The following LAIR2 variants were observed in gnomAD, a reference collection of about 807,000 sequenced individuals.
LAIR2 encodes leukocyte-associated immunoglobulin-like receptor 2.
In LAIR2, 14 loss-of-function variants were observed where a neutral mutation model predicts 14.8. The observed-to-expected ratio is 0.95, with a 90% CI of 0.62 to 1.48. The LOEUF is 1.48. Ranked by LOEUF, LAIR2 falls within the 40% of genes most tolerant of loss-of-function variation. The pLI, the probability that LAIR2 is intolerant of heterozygous loss-of-function variation, is 0.00. For missense variants in LAIR2, 172 were observed against 180.9 expected (o/e 0.95, Z 0.28); for synonymous variants, 75 against 74.5 (o/e 1.01, Z -0.03).
At chr19:54,509,977 C>T (rs942162567) in intron 4 of LAIR2, among the ~76,000 whole-genome samples, 2 of 147,168 alleles carry the variant, frequency 1.4e-5, no homozygotes, top group South Asian at 2.2e-4. Flanking sequence ...CTGTGAGGCT[C>T]GGGCTGTGAG....
intron 2 of LAIR2, 120 bp from the exon 3 acceptor site, chr19:54,507,771 G>A (rs956500227): frequency 4.3e-6 from 4 of 937,318 alleles, no homozygotes; most frequent in African/African-American, 1.6e-5. Context: ...TTGGGCTGTG[G>A]TCGTGGCTGC....
rs1218517048 is a variant in LAIR2, at chr19:54,504,405, C to T, written c.70+670C>T. Among the ~76,000 whole-genome samples, 8 of 152,238 alleles carry T rather than the reference C, an allele frequency of 5.3e-5. No individual in the cohort carries two copies. The East Asian group carries it at 9.6e-4, about 18-fold the overall frequency. On this transcript the variant is annotated intron_variant, in intron 2 of 4. Transcript: ENST00000301202. Reference sequence around the variant, plus strand: ...CATCACATACTTATTGTGATGAGAACATTTAAAACCTACTTTTAGCAATTT... The same window carrying T: ...CATCACATACTTATTGTGATGAGAATATTTAAAACCTACTTTTAGCAATTT...
chr19:54,503,952 A>G (rs1238983964), intron 2 of LAIR2, among the ~76,000 whole-genome samples: 1 of 151,604 alleles, frequency 6.6e-6, no homozygotes, highest in East Asian at 1.9e-4. Flanking sequence ...CAAAAATCCT[A>G]TATTTTATTT....
At chr19:54,509,763 G>A (rs2085436007) in intron 4 of LAIR2, among the ~76,000 whole-genome samples, 3 of 151,706 alleles carry the variant, frequency 2.0e-5, no homozygotes, top group South Asian at 4.2e-4. Flanking sequence ...TGGGAGAGAA[G>A]CTGCCTCTGG....
chr19:54,503,685 G>C lies in LAIR2; in HGVS notation c.35-15G>C. On this transcript the variant is annotated splice_polypyrimidine_tract_variant and intron_variant, in intron 1 of 4. Transcript: ENST00000301202. ...TGGGCAGTGGGCATTTTTCTCACTGGGGCTTCTCTTCCAGTGCTCTGCCTG... is the reference window on the plus strand; with the variant it reads ...TGGGCAGTGGGCATTTTTCTCACTGCGGCTTCTCTTCCAGTGCTCTGCCTG... 6.2e-7 allele frequency: 1 copy of C among 1,613,886 alleles called. No individual in the cohort carries two copies. Among genetic ancestry groups the C allele is most frequent in the African/African-American group, 1.3e-5 (1 of 74,994 alleles).
chr19:54,504,123 A>ATTTT lies in LAIR2; in HGVS notation c.70+399_70+402dup, dbSNP rs56696276. Among the ~76,000 whole-genome samples, 424 of 143,376 alleles carry ATTTT rather than the reference A, an allele frequency of 3.0e-3. 2 individuals are homozygous for ATTTT. The highest frequency in any genetic ancestry group is 4.8e-3 in the African/African-American group (188 of 38,786). 94.1% of individuals were successfully genotyped at this position (143,376 alleles called of 152,430 possible). A position where few individuals can be genotyped will look rare whatever the true frequency, so the allele number is the denominator to read the frequency against. ...AGGCACCCACCACCACCCCTGGCTA[A>ATTTT]TTTTTTTTTTTTTTGTATTTTTAGA... On this transcript the variant is annotated intron_variant, in intron 2 of 4. Transcript: ENST00000301202.
intron 4 of LAIR2, among the ~76,000 whole-genome samples, chr19:54,509,998 T>A (rs1316943837): frequency 6.9e-6 from 1 of 145,368 alleles, no homozygotes. Flanking sequence ...CTCAGGCAGG[T>A]GGGACCAGGG....
Position 54,510,584 on chromosome 19 carries a change from C to T in LAIR2, c.*15C>T. 2 of 1,613,742 alleles carry T rather than the reference C, an allele frequency of 1.2e-6. No individual in the cohort carries two copies. The highest frequency in any genetic ancestry group is 1.7e-6 in the Non-Finnish European group (2 of 1,179,670). ...ATGCACCATGAATGAGGAGAAATGG[C>T]CTCCCGTCTTGTGAACTTCAATGGG... On this transcript the variant is annotated 3_prime_UTR_variant, in exon 5 of 5. Transcript: ENST00000301202.
At position 54,508,378 on chromosome 19, in the gene LAIR2, A is replaced by C. The variant is rs530802356; in HGVS notation, c.364+194A>C. ...CCCTCACACCTGCTTAGGTCCCTGG[A>C]GCCCTGATCTCCTCTGGACGCCACA... On this transcript the variant is annotated intron_variant, in intron 3 of 4. Transcript: ENST00000301202. Among the ~76,000 whole-genome samples the C allele has an allele frequency of 1.3e-3, 199 of 152,108 alleles. 4 individuals are homozygous for C. The South Asian group carries it at 0.039, about 30-fold the overall frequency.
intron 4 of LAIR2, among the ~76,000 whole-genome samples, chr19:54,509,640 T>G (rs2035960937): frequency 7.1e-6 from 1 of 141,522 alleles, no homozygotes; most frequent in Non-Finnish European, 1.6e-5. Flanking sequence ...AACGGTGGAG[T>G]AAGGTCCCTT....
At position 54,507,971 on chromosome 19, in the gene LAIR2, G is replaced by C. The variant is rs763044893; in HGVS notation, c.151G>C (p.Gly51Arg). The C allele has an allele frequency of 6.2e-7, 1 of 1,614,156 alleles. No individual in the cohort carries two copies. The highest frequency in any genetic ancestry group is 2.2e-5 in the East Asian group (1 of 44,884). ...GAGCCATGTGACTTTCATGTGCCGG[G>C]GCCCGGTTGGGGTTCAAACATTCCG... Reference protein sequence around the residue: ...PGSHVTFMCRGPVGVQTFRLE... With the variant: ...PGSHVTFMCRRPVGVQTFRLE... The change falls in exon 3 of 5, where the codon GGC (glycine) becomes CGC (arginine). Residue 51 changes from glycine to arginine, a missense_variant. Gly to Arg is a moderately radical substitution (Grantham distance 125). This residue lies in a region of LAIR2 where 161 missense variants were observed against 149.0 expected (regional missense o/e 1.08). Transcript: ENST00000301202.
Position 54,508,151 on chromosome 19 carries a change from G to A in LAIR2, c.331G>A (p.Glu111Lys). ...CLYYKPPGWS[E>K]HSDFLELLVK... ...CTATTATAAGCCCCCTGGATGGTCTGAGCACAGTGACTTCCTGGAGCTGCT... is the reference window on the plus strand; with the variant it reads ...CTATTATAAGCCCCCTGGATGGTCTAAGCACAGTGACTTCCTGGAGCTGCT... Residue 111 changes from glutamate to lysine, a missense_variant, in exon 3 of 5, where the codon GAG becomes AAG. Physicochemically the swap from Glu to Lys is moderately conservative, Grantham distance 56. Around this residue, in one of 2 missense-constraint regions of LAIR2, gnomAD observed 161 missense variants for 149.0 expected, o/e 1.08. Coordinates refer to ENST00000301202, the MANE Select transcript of LAIR2 (RefSeq NM_002288.6). The A allele has an allele frequency of 1.9e-6, 3 of 1,613,586 alleles. No individual in the cohort carries two copies. The highest frequency in any genetic ancestry group is 2.5e-6 in the Non-Finnish European group (3 of 1,179,906).
In LAIR2 at chr19:54,502,953, G is replaced by C. The variant is rs756489090; in HGVS notation, c.34+1G>C. 4.3e-6 allele frequency: 7 copies of C among 1,613,504 alleles called. No homozygotes were observed. Among genetic ancestry groups the C allele is most frequent in the Non-Finnish European group, 5.1e-6 (6 of 1,179,776 alleles). On this transcript the variant is annotated splice_donor_variant, in intron 1 of 4. Coordinates refer to ENST00000301202, the MANE Select transcript of LAIR2 (RefSeq NM_002288.6). LOFTEE classifies it high-confidence loss of function. Reference sequence around the variant, plus strand: ...CACCTCACTGCTCTCCTGGGCCTAGGTGAGTCCTGGAGGGAGCGGGAAGGA... The same window carrying C: ...CACCTCACTGCTCTCCTGGGCCTAGCTGAGTCCTGGAGGGAGCGGGAAGGA...
At position 54,509,742 on chromosome 19, in the gene LAIR2, G is replaced by A. The variant is rs1600100371; in HGVS notation, c.415+657G>A. On this transcript the variant is annotated intron_variant, in intron 4 of 4. Transcript: ENST00000301202. ...CTTCCCTTCCATCTGGCTCTGCCCT[G>A]GACTCTGTGATGGGAGAGAAGCTGC... is the stretch of plus-strand genomic sequence containing the variant. Among the ~76,000 whole-genome samples the A allele has an allele frequency of 4.0e-5, 6 of 151,380 alleles. No individual in the cohort carries two copies. In the South Asian group the frequency reaches 1.3e-3, roughly 32 times the overall value.
In LAIR2 at chr19:54,503,510, A is replaced by G. The variant is rs1373463785; in HGVS notation, c.35-190A>G. Among the ~76,000 whole-genome samples, 11 of 152,118 alleles carry G rather than the reference A, an allele frequency of 7.2e-5. No homozygotes were observed. The East Asian group carries it at 2.1e-3, about 29-fold the overall frequency. On this transcript the variant is annotated intron_variant, in intron 1 of 4. Transcript: ENST00000301202. Reference sequence around the variant, plus strand: ...GGAGCAGGAGCCTTTTTGGAAGAGGAGACTTTGGGATTTATCTTGAAACCA... The same window carrying G: ...GGAGCAGGAGCCTTTTTGGAAGAGGGGACTTTGGGATTTATCTTGAAACCA...
intron 4 of LAIR2, 107 bp from the exon 5 acceptor site, chr19:54,510,419 G>C (rs2085448487): frequency 1.2e-6 from 1 of 847,750 alleles, no homozygotes; most frequent in African/African-American, 1.7e-5. Context: ...GAATCGTTTA[G>C]GGCAGACTTG....
intron 4 of LAIR2, 121 bp from the exon 5 acceptor site, chr19:54,510,405 G>C (rs1181522414): frequency 4.6e-5 from 33 of 719,054 alleles, no homozygotes; most frequent in Non-Finnish European, 7.2e-5. Context: ...GAGCTGTCCT[G>C]GTAGAATCGT....
Position 54,505,142 on chromosome 19 carries a change from C to T in LAIR2, c.70+1407C>T, listed in dbSNP as rs571093455. Reference sequence around the variant, plus strand: ...TCCAGGTCTTGGCAGCTGTGAGTAGCGCTGCGGTCACCCTGGGAGTGCAGG... The same window carrying T: ...TCCAGGTCTTGGCAGCTGTGAGTAGTGCTGCGGTCACCCTGGGAGTGCAGG... On this transcript the variant is annotated intron_variant, in intron 2 of 4. Coordinates refer to ENST00000301202, the MANE Select transcript of LAIR2 (RefSeq NM_002288.6). Among the ~76,000 whole-genome samples, 5 of 152,184 alleles carry T rather than the reference C, an allele frequency of 3.3e-5. No individual in the cohort carries two copies. The South Asian group carries it at 6.2e-4, about 19-fold the overall frequency.
chr19:54,508,319 CTCCCCTT>C lies in LAIR2; in HGVS notation c.364+136_364+142del, dbSNP rs2085407090. 3.6e-3 allele frequency: 2,936 copies of C among 819,342 alleles called. 62 individuals are homozygous for C. The highest frequency in any genetic ancestry group is 0.033 in the South Asian group (1,989 of 60,148). 50.8% of individuals were successfully genotyped at this position (819,342 alleles called of 1,614,324 possible). A position where few individuals can be genotyped will look rare whatever the true frequency, so the allele number is the denominator to read the frequency against. ...CCTCTTCCTGACCCCAAGCCCTCCC[CTCCCCTT>C]CTTCCTCTGCACACACCTCCCCTCT... On this transcript the variant is annotated intron_variant, in intron 3 of 4. Transcript: ENST00000301202.
Sources: gnomAD v4.1 joint callset for allele counts (sites outside exome capture counted in the v4.1 genomes callset) on GRCh38, gnomAD v4.1.1 for gene constraint, gnomAD v4.1.1 regional missense constraint, MANE v1.5 for transcripts, NCBI Gene and HGNC (gene_info 2026-07-23, HGNC 2026-07-21) for gene names.